BRI3: variants seen among roughly 807,000 people sequenced by gnomAD.
The protein encoded by BRI3 is membrane protein BRI3.
In BRI3, 6 loss-of-function variants were observed where a neutral mutation model predicts 12.8. That is an observed-to-expected ratio of 0.47 (90% CI 0.26 to 0.93). The LOEUF (loss-of-function observed/expected upper bound fraction) is 0.93. BRI3 is among the 40% of genes least tolerant of loss of function. BRI3 has a pLI of 0.15. For missense variants in BRI3, 134 were observed against 171.1 expected (o/e 0.78, Z 1.21); for synonymous variants, 91 against 76.1 (o/e 1.20, Z -1.02).
chr7:98,286,781 A>C (rs964064736), intron 2 of BRI3, among the ~76,000 whole-genome samples: 1 of 152,260 alleles, frequency 6.6e-6, no homozygotes, highest in Non-Finnish European at 1.5e-5. Flanking sequence ...AAACTTTAAT[A>C]TTTCTGCAGC....
intron 2 of BRI3, among the ~76,000 whole-genome samples, chr7:98,284,218 T>C (rs1353663828): frequency 6.6e-6 from 1 of 152,150 alleles, no homozygotes; most frequent in African/African-American, 2.4e-5. Flanking sequence ...CCTTAGTCCT[T>C]TAAGTTGGGA....
At chr7:98,282,249 GC>G (rs1164224250) in intron 1 of BRI3, 101 bp from the exon 2 acceptor site, 1 of 1,055,200 alleles carries the variant, frequency 9.5e-7, no homozygotes, top group Non-Finnish European at 1.4e-6. Flanking sequence ...AAGACCGGGG[GC>G]TTTTTTAGCG....
rs749728230 is a variant in BRI3 at position 98,282,373 on chromosome 7, G to T, written c.165G>T (p.Arg55Ser). The change falls in exon 2 of 3, where the codon AGG becomes AGT. Residue 55 changes from arginine (R) to serine (S), a missense_variant. Arg to Ser is a moderately radical substitution (Grantham distance 110). Transcript: ENST00000297290. ...CAGGGATACCCACCCACCATCCCAG[G>T]GTCTACAACATCCACAGCCGGACCG... ...LVTGIPTHHPRVYNIHSRTVT... is the reference protein window; with the variant it reads ...LVTGIPTHHPSVYNIHSRTVT... 6 of 1,613,884 alleles carry T rather than the reference G, an allele frequency of 3.7e-6. No homozygotes were observed. In the East Asian group the frequency reaches 1.3e-4, roughly 36 times the overall value.
the BRI3 span, among the ~76,000 whole-genome samples, chr7:98,319,668 T>TC: frequency 0.012 from 1,763 of 151,446 alleles, 39 homozygotes; most frequent in African/African-American, 0.041. Flanking sequence ...TGCCTCATCC[T>TC]CCCGAGTAGC....
downstream of BRI3, chr7:98,312,221 G>C (rs776896950): frequency 3.5e-5 from 56 of 1,613,656 alleles, no homozygotes; most frequent in Non-Finnish European, 4.3e-5. Context: ...ATCAACACAG[G>C]TCTCCTGCCA....
chr7:98,292,810 C>A, downstream of BRI3: 3 of 1,514,878 alleles, frequency 2.0e-6, no homozygotes, highest in Non-Finnish European at 2.7e-6. Flanking sequence ...AGGCCTGTGT[C>A]CTGGATGGGC....
upstream of BRI3, among the ~76,000 whole-genome samples, chr7:98,306,076 A>C (rs1437309896): frequency 1.3e-5 from 2 of 152,160 alleles, no homozygotes; most frequent in Non-Finnish European, 2.9e-5. Flanking sequence ...AACATTCCAG[A>C]AAAAGCATAC....
chr7:98,297,019 A>AG (rs1200990649), downstream of BRI3, among the ~76,000 whole-genome samples: 1 of 152,222 alleles, frequency 6.6e-6, no homozygotes, highest in African/African-American at 2.4e-5. Context: ...ACCGGCACCC[A>AG]GGGCCCCGCG....
chr7:98,312,277 A>G, downstream of BRI3: 1 of 1,594,876 alleles, frequency 6.3e-7, no homozygotes, highest in South Asian at 1.1e-5. Context: ...GCAAAGCCAA[A>G]AGAAGAAGAC....
At chr7:98,318,254 A>G in the BRI3 span, among the ~76,000 whole-genome samples, 3 of 152,154 alleles carry the variant, frequency 2.0e-5, no homozygotes, top group Non-Finnish European at 4.4e-5. Flanking sequence ...TTCTTTCCTC[A>G]AAGGCTTTTT....
chr7:98,310,886 A>G (rs1380816188), downstream of BRI3, among the ~76,000 whole-genome samples: 2 of 151,966 alleles, frequency 1.3e-5, no homozygotes, highest in Non-Finnish European at 2.9e-5. Context: ...AGGTTTCACC[A>G]TGTTAGCCAG....
At chr7:98,303,295 C>T (rs1800501738), upstream of BRI3, among the ~76,000 whole-genome samples, 1 of 152,172 alleles carries the variant, frequency 6.6e-6, no homozygotes. Context: ...AGGCCCCGGA[C>T]ACAAGGTATA....
downstream of BRI3, among the ~76,000 whole-genome samples, chr7:98,297,191 C>A (rs1584414405): frequency 6.6e-6 from 1 of 152,222 alleles, no homozygotes; most frequent in South Asian, 2.1e-4. Flanking sequence ...TTGTGATCCC[C>A]CATCTCCCGC....
At chr7:98,321,916 T>C in the BRI3 span, among the ~76,000 whole-genome samples, 746 of 152,142 alleles carry the variant, frequency 4.9e-3, 5 homozygotes, top group African/African-American at 0.017. Context: ...GCCAACACGG[T>C]GAAACCCCGT....
At chr7:98,305,040 G>GTTT (rs1386050479), upstream of BRI3, among the ~76,000 whole-genome samples, 7 of 87,138 alleles carry the variant, frequency 8.0e-5, no homozygotes, top group South Asian at 1.3e-3. Context: ...TAATTTTTTT[G>GTTT]TTTTTTGTTT....
chr7:98,306,553 T>C (rs1800664744), exon 1 of BRI3: 1 of 1,613,860 alleles, frequency 6.2e-7, no homozygotes, highest in Non-Finnish European at 8.5e-7. Flanking sequence ...CTATCAGCAG[T>C]AGACATGTGG....
chr7:98,291,627 C>T, downstream of BRI3: 1 of 556,558 alleles, frequency 1.8e-6, no homozygotes, highest in Non-Finnish European at 2.3e-6. Context: ...TTGTATTCAG[C>T]AGGCGCTTAC....
At position 98,291,088 on chromosome 7, in the gene BRI3, CTCTCTGCCCG is replaced by C. The variant is rs760184789; in HGVS notation, c.246-15_246-6del. On this transcript the variant is annotated splice_polypyrimidine_tract_variant and intron_variant, in intron 2 of 2. Transcript: ENST00000297290. ...CTGCCCGGGTCCTTACGGTGCCACC[CTCTCTGCCCG>C]TCTCTGCTGCAGGGTTGGGGTGCTG... The C allele has an allele frequency of 5.1e-4, 823 of 1,613,558 alleles. 3 individuals are homozygous for C. The African/African-American group carries it at 7.7e-3, about 15-fold the overall frequency.
intron 2 of BRI3, among the ~76,000 whole-genome samples, chr7:98,287,214 G>A (rs1232868538): frequency 1.3e-5 from 2 of 152,210 alleles, no homozygotes; most frequent in Non-Finnish European, 2.9e-5. Context: ...CCAGAGACCC[G>A]GGGGCCTTGG....
Sources: allele counts gnomAD v4.1 joint callset (sites outside exome capture counted in the v4.1 genomes callset), GRCh38; gene constraint gnomAD v4.1.1; transcripts MANE v1.5; gene names NCBI Gene and HGNC (gene_info 2026-07-23, HGNC 2026-07-21).